Variants in DNAI7 observed in about 807,000 individuals in gnomAD.
DNAI7 encodes the protein cancer susceptibility 1.
Under a neutral mutation model 86.6 loss-of-function variants are expected in DNAI7, and 78 were observed. The ratio of observed to expected loss-of-function variants is 0.90; its 90% CI spans 0.75 to 1.09. The LOEUF (loss-of-function observed/expected upper bound fraction) is 1.09. Among genes scored for constraint, DNAI7 ranks in the 50% least tolerant of loss-of-function variants. DNAI7 has a pLI of 0.00. For missense variants in DNAI7, 753 were observed against 810.2 expected (o/e 0.93, Z 0.86); for synonymous variants, 274 against 273.0 (o/e 1.00, Z -0.04).
chr12:25,133,433 G>A (rs4963856), intron 9 of DNAI7, among the ~76,000 whole-genome samples: 152,009 of 152,276 alleles, frequency 1, 75,875 homozygotes, highest in Middle Eastern at 1. Context: ...TCACACCTAC[G>A]AAAGGCGGTT....
intron 9 of DNAI7, among the ~76,000 whole-genome samples, chr12:25,143,088 C>T (rs61391424): frequency 0.074 from 11,303 of 151,982 alleles, 449 homozygotes; most frequent in South Asian, 0.13. Context: ...AAATCATTTC[C>T]CTCCTCTCTA....
intron 9 of DNAI7, among the ~76,000 whole-genome samples, chr12:25,129,496 GT>G (rs1487571964): frequency 6.6e-6 from 1 of 152,118 alleles, no homozygotes; most frequent in Non-Finnish European, 1.5e-5. Context: ...CACATTAAAG[GT>G]TGTTGAATGT....
intron 2 of DNAI7, among the ~76,000 whole-genome samples, chr12:25,166,368 A>G (rs1947466408): frequency 6.6e-6 from 1 of 151,992 alleles, no homozygotes; most frequent in Non-Finnish European, 1.5e-5. Context: ...ACCTCCCTCC[A>G]CAACCCATTA....
chr12:25,108,981 T>A (rs1949526173), intron 15 of DNAI7, among the ~76,000 whole-genome samples, 158 bp from the exon 16 acceptor site: 1 of 152,168 alleles, frequency 6.6e-6, no homozygotes, highest in South Asian at 2.1e-4. Flanking sequence ...TGAAAAACCA[T>A]CACACTGTTT....
At chr12:25,144,860 T>C (rs1054235051) in intron 8 of DNAI7, among the ~76,000 whole-genome samples, 183 bp from the exon 9 acceptor site, 2 of 152,122 alleles carry the variant, frequency 1.3e-5, no homozygotes, top group Admixed American at 1.3e-4. Context: ...CAAAACAGTT[T>C]ATTGGGATCC....
chr12:25,153,682 C>G (rs1945826330), intron 6 of DNAI7, among the ~76,000 whole-genome samples: 1 of 152,206 alleles, frequency 6.6e-6, no homozygotes, highest in African/African-American at 2.4e-5. Context: ...AGCTAAGCCA[C>G]TAACTAGTTA....
At chr12:25,168,841 T>C (rs957551391) in intron 2 of DNAI7, among the ~76,000 whole-genome samples, 5 of 152,134 alleles carry the variant, frequency 3.3e-5, no homozygotes, top group African/African-American at 1.2e-4. Flanking sequence ...TTTCAATTCA[T>C]ACAAAACCAT....
At chr12:25,123,345 G>A in intron 9 of DNAI7, 59 bp from the exon 10 acceptor site, 1 of 1,163,356 alleles carries the variant, frequency 8.6e-7, no homozygotes, top group Non-Finnish European at 1.2e-6. Flanking sequence ...TACAGTCATT[G>A]TCTTTGTGTT....
intron 9 of DNAI7, among the ~76,000 whole-genome samples, chr12:25,143,642 C>G (rs1374205233): frequency 6.6e-6 from 1 of 152,170 alleles, no homozygotes; most frequent in Admixed American, 6.5e-5. Flanking sequence ...ATCCTTAATC[C>G]TTTCCTGTGT....
rs553202723 is a variant in DNAI7, at chr12:25,150,485, G to T, written c.439-711C>A. ...CAGGTGTGGTGGCGGGCGCCTGTAG[G>T]CCCAGCAACTCGGGAGGCTGAGTCA... On this transcript the variant is annotated intron_variant, in intron 6 of 15. Transcript: ENST00000395987. Among the ~76,000 whole-genome samples the T allele has an allele frequency of 4.0e-5, 6 of 151,200 alleles. No homozygotes were observed. In the South Asian group the frequency reaches 1.3e-3, roughly 32 times the overall value.
chr12:25,163,054 G>T (rs1331450345), intron 2 of DNAI7, among the ~76,000 whole-genome samples: 1 of 152,170 alleles, frequency 6.6e-6, no homozygotes, highest in Non-Finnish European at 1.5e-5. Flanking sequence ...TACGGTGAGT[G>T]CCCCAATTGC....
rs1020673075 is a variant in DNAI7 at position 25,109,792 on chromosome 12, C to G, written c.1893+335G>C. 2.6e-5 allele frequency among the ~76,000 whole-genome samples: 4 copies of G among 152,064 alleles called. No individual in the cohort carries two copies. The South Asian group carries it at 8.3e-4, about 32-fold the overall frequency. Reference sequence around the variant, plus strand: ...CTCTCAGGTTCAAGCGATTCTCCTGCCTCAGCTTCCTGAGTAGCTGGGATT... The same window carrying G: ...CTCTCAGGTTCAAGCGATTCTCCTGGCTCAGCTTCCTGAGTAGCTGGGATT... On this transcript the variant is annotated intron_variant, in intron 15 of 15. Transcript: ENST00000395987.
At chr12:25,162,983 G>A (rs1363609882) in intron 2 of DNAI7, among the ~76,000 whole-genome samples, 1 of 152,196 alleles carries the variant, frequency 6.6e-6, no homozygotes, top group East Asian at 1.9e-4. Context: ...AATCCCAAGA[G>A]GACCCACAGA....
chr12:25,174,980 A>G (rs1383741840), intron 2 of DNAI7, among the ~76,000 whole-genome samples: 1 of 151,876 alleles, frequency 6.6e-6, no homozygotes, highest in Non-Finnish European at 1.5e-5. Context: ...GAAGGAGGGC[A>G]AGGGATAGAA....
At chr12:25,119,039 G>A in intron 12 of DNAI7, 106 bp downstream of exon 12, 1 of 870,416 alleles carries the variant, frequency 1.1e-6, no homozygotes, top group South Asian at 2.4e-5. Context: ...AATTGGCATA[G>A]AAATATGTAA....
At chr12:25,119,044 A>C in intron 12 of DNAI7, 101 bp downstream of exon 12, 1 of 905,148 alleles carries the variant, frequency 1.1e-6, no homozygotes, top group South Asian at 2.2e-5. Context: ...GCATAGAAAT[A>C]TGTAAGATAG....
intron 2 of DNAI7, chr12:25,185,728 T>G: frequency 1.0e-6 from 1 of 969,342 alleles, no homozygotes; most frequent in Non-Finnish European, 1.2e-6. Context: ...CACTGAATGT[T>G]CCATGAAAAC....
chr12:25,153,799 T>A (rs1052864535), intron 6 of DNAI7, among the ~76,000 whole-genome samples: 5 of 152,302 alleles, frequency 3.3e-5, no homozygotes, highest in Non-Finnish European at 5.9e-5. Flanking sequence ...AAATTTTTTT[T>A]AATAAATTAG....
At chr12:25,120,471 C>T (rs940675116) in intron 11 of DNAI7, among the ~76,000 whole-genome samples, 4 of 152,022 alleles carry the variant, frequency 2.6e-5, no homozygotes, top group Non-Finnish European at 5.9e-5. Context: ...GCCTGTAATC[C>T]CAGCACTTTG....
Sources: gnomAD v4.1 joint callset for allele counts (sites outside exome capture counted in the v4.1 genomes callset) on GRCh38, gnomAD v4.1.1 for gene constraint, MANE v1.5 for transcripts, NCBI Gene and HGNC (gene_info 2026-07-23, HGNC 2026-07-21) for gene names.